Variants in POLE3 observed in about 807,000 individuals in gnomAD.
POLE3 encodes DNA polymerase epsilon 3, accessory subunit, also known as DNA polymerase epsilon subunit 3.
Under a neutral mutation model 16.1 loss-of-function variants are expected in POLE3, and 10 were observed. The observed-to-expected ratio is 0.62, with a 90% CI of 0.38 to 1.05. The LOEUF is 1.05. POLE3 is among the 50% of genes least tolerant of loss of function. The probability of loss-of-function intolerance (pLI) is 0.01; values close to 1 mark genes in which losing one functional copy is unlikely to be tolerated. For synonymous variants in POLE3, 83 were observed against 71.0 expected (o/e 1.17, Z -0.85); for missense variants, 169 against 185.0 (o/e 0.91, Z 0.50).
chr9:113,409,641 C>T lies in POLE3; in HGVS notation c.240G>A (p.Arg80=). Residue 80 remains arginine, a synonymous_variant, in exon 4 of 5, where the codon CGG becomes CGA. Coordinates refer to ENST00000374171, the MANE Select transcript of POLE3 (RefSeq NM_017443.5). ...GAGCTTCTTTCAATGGGGTAACGAA[C>T]CGCTGGAACTCCATCTCTTCCATGG... ...LSAMEEMEFQ[R]FVTPLKEALE... 6.2e-7 allele frequency: 1 copy of T among 1,611,676 alleles called. No individual in the cohort carries two copies. The highest frequency in any genetic ancestry group is 8.5e-7 in the Non-Finnish European group (1 of 1,177,854).
rs1554743712 is a variant in POLE3 at position 113,409,373 on chromosome 9, A to AAAAAAC, written c.271+231_271+236dup. Reference sequence around the variant, plus strand: ...AGACTCCGTCTCAAAAAAAAAAAAAAAAAAACAAAAACAAGAAAAGCAAGA... The same window carrying AAAAAAC: ...AGACTCCGTCTCAAAAAAAAAAAAAAAAAAACAAAAACAAAAACAAGAAAAGCAAGA... On this transcript the variant is annotated intron_variant, in intron 4 of 4. Coordinates refer to ENST00000374171, the MANE Select transcript of POLE3 (RefSeq NM_017443.5). Among the ~76,000 whole-genome samples the AAAAAAC allele has an allele frequency of 9.2e-4, 139 of 150,280 alleles. 1 individual carries two copies. Among genetic ancestry groups the AAAAAAC allele is most frequent in the South Asian group, 3.0e-3 (14 of 4,668 alleles).
intron 1 of POLE3, 53 bp downstream of exon 1, chr9:113,410,563 TC>T (rs1828086836): frequency 3.6e-6 from 2 of 550,240 alleles, no homozygotes; most frequent in East Asian, 5.9e-5. Flanking sequence ...CGCACGCCCC[TC>T]CCCAGGTCCA....
rs191549953 is a variant in POLE3, at chr9:113,408,068, A to C, written c.*743T>G. On this transcript the variant is annotated 3_prime_UTR_variant, in exon 5 of 5. Transcript: ENST00000374171. ...TGTACAGTAGCAGAGAGTAAGGTAC[A>C]TCTGACACTATGCCATCTGTTTTTG... 1 of 152,646 alleles carries C rather than the reference A, an allele frequency of 6.6e-6. No individual in the cohort carries two copies. Among genetic ancestry groups the C allele is most frequent in the Non-Finnish European group, 1.5e-5 (1 of 68,054 alleles). The allele number at this position is 152,646 out of a possible 1,614,324, so 9.5% of individuals were successfully genotyped here.
chr9:113,409,281 A>G (rs2119034160), intron 4 of POLE3, among the ~76,000 whole-genome samples: 1 of 148,400 alleles, frequency 6.7e-6, no homozygotes, highest in South Asian at 2.1e-4. Flanking sequence ...AATTGCTTGA[A>G]CCCAGGAGGA....
chr9:113,409,268 G>A (rs1490823983), intron 4 of POLE3, among the ~76,000 whole-genome samples: 1 of 150,494 alleles, frequency 6.6e-6, no homozygotes, highest in Non-Finnish European at 1.5e-5. Context: ...GCTGAGGCAG[G>A]AGAATTGCTT....
Position 113,408,977 on chromosome 9 carries a change from C to T in POLE3, c.278G>A (p.Arg93Lys), listed in dbSNP as rs1828000163. Residue 93 changes from arginine (R) to lysine (K), a missense_variant, in exon 5 of 5, where the codon AGG becomes AAG. Physicochemically the swap from Arg to Lys is conservative, Grantham distance 26. Transcript: ENST00000374171. ...CTCCTTCTTGCCTTTCTGCTCCCGC[C>T]TATATGCTGTAAGGACGGAACAAGG... ...TPLKEALEAY[R>K]REQKGKKEAS... is the part of the protein sequence containing the mutation. 1 of 1,613,804 alleles carries T rather than the reference C, an allele frequency of 6.2e-7. No homozygotes were observed. The highest frequency in any genetic ancestry group is 8.5e-7 in the Non-Finnish European group (1 of 1,179,914).
chr9:113,409,395 A>C (rs1315147928), intron 4 of POLE3, among the ~76,000 whole-genome samples: 1 of 151,708 alleles, frequency 6.6e-6, no homozygotes. Context: ...CAAGAAAAGC[A>C]AGACAAAAAC....
In POLE3 at chr9:113,410,219, G is replaced by C. The variant is rs376377693; in HGVS notation, c.66+9C>G. ...CTGCCCGTTCGTCCGCCCCCCCCGA[G>C]CTGCTCACCGCCTCCTTGATGATCC... On this transcript the variant is annotated intron_variant, in intron 2 of 4. Transcript: ENST00000374171. 5 of 1,613,296 alleles carry C rather than the reference G, an allele frequency of 3.1e-6. No homozygotes were observed. In the East Asian group the frequency reaches 8.9e-5, roughly 29 times the overall value.
chr9:113,409,263 G>A (rs554559763), intron 4 of POLE3, among the ~76,000 whole-genome samples: 1 of 151,498 alleles, frequency 6.6e-6, no homozygotes, highest in East Asian at 1.9e-4. Flanking sequence ...GGGAGGCTGA[G>A]GCAGGAGAAT....
rs553165700 is a variant in POLE3, at chr9:113,407,580, C to G, written c.*1231G>C. Reference sequence around the variant, plus strand: ...ACAAAATTAGCCAGGCTTGGTGGCACGCATCTGTAGTCCCAGATACTCAGG... The same window carrying G: ...ACAAAATTAGCCAGGCTTGGTGGCAGGCATCTGTAGTCCCAGATACTCAGG... On this transcript the variant is annotated 3_prime_UTR_variant, in exon 5 of 5. Transcript: ENST00000374171. The G allele has an allele frequency of 3.3e-5, 5 of 152,536 alleles. No individual in the cohort carries two copies. The highest frequency in any genetic ancestry group is 1.3e-4 in the Admixed American group (2 of 15,290). 9.4% of individuals were successfully genotyped at this position (152,536 alleles called of 1,614,324 possible).
chr9:113,410,194 C>T, intron 2 of POLE3, 34 bp downstream of exon 2: 1 of 1,611,528 alleles, frequency 6.2e-7, no homozygotes, highest in Non-Finnish European at 8.5e-7. Flanking sequence ...TGCTTCCCTC[C>T]TGCCCGTTCG....
chr9:113,409,828 G>A, intron 3 of POLE3, 100 bp from the exon 4 acceptor site: 1 of 867,440 alleles, frequency 1.2e-6, no homozygotes, highest in Non-Finnish European at 1.9e-6. Context: ...CCTCTTACAT[G>A]TATGGATTTT....
chr9:113,410,481 A>C, intron 1 of POLE3, 73 bp from the exon 2 acceptor site: 3 of 602,794 alleles, frequency 5.0e-6, no homozygotes, highest in Non-Finnish European at 5.9e-6. Context: ...CGCCTCAAAT[A>C]CCGGCGCATC....
At chr9:113,410,199 C>T in intron 2 of POLE3, 29 bp downstream of exon 2, 3 of 1,612,026 alleles carry the variant, frequency 1.9e-6, no homozygotes, top group Non-Finnish European at 2.5e-6. Flanking sequence ...CCCTCCTGCC[C>T]GTTCGTCCGC....
At position 113,410,216 on chromosome 9, in the gene POLE3, C is replaced by G. The variant is rs750705164; in HGVS notation, c.66+12G>C. ...CTCCTGCCCGTTCGTCCGCCCCCCC[C>G]GAGCTGCTCACCGCCTCCTTGATGA... On this transcript the variant is annotated intron_variant, in intron 2 of 4. Coordinates refer to ENST00000374171, the MANE Select transcript of POLE3 (RefSeq NM_017443.5). The G allele has an allele frequency of 4.3e-6, 7 of 1,613,332 alleles. No individual in the cohort carries two copies. The highest frequency in any genetic ancestry group is 4.0e-5 in the African/African-American group (3 of 74,930).
At position 113,410,090 on chromosome 9, in the gene POLE3, G is replaced by A; in HGVS notation, c.117C>T (p.Arg39=). The A allele has an allele frequency of 6.3e-7, 1 of 1,582,620 alleles. No individual in the cohort carries two copies. Among genetic ancestry groups the A allele is most frequent in the East Asian group, 2.3e-5 (1 of 43,788 alleles). Residue 39 remains arginine, a synonymous_variant, in exon 3 of 5, where the codon CGC becomes CGT. Transcript: ENST00000374171. Reference sequence around the variant, plus strand: ...CGTACAGCACGAAGACGCTGGCGGCGCGGGAGATGGCGCTCCGGGCCTCCT... The same window carrying A: ...CGTACAGCACGAAGACGCTGGCGGCACGGGAGATGGCGCTCCGGGCCTCCT... ...ISKEARSAIS[R]AASVFVLYAT... is the part of the protein sequence containing the mutation.
At position 113,410,322 on chromosome 9, in the gene POLE3, C is replaced by T. The variant is rs143346936; in HGVS notation, c.-29G>A. Reference sequence around the variant, plus strand: ...CGCCGCTGGGGCTTAAACTCCCCTTCGCCTCCGCTTCAGGGAGCTACTGCG... The same window carrying T: ...CGCCGCTGGGGCTTAAACTCCCCTTTGCCTCCGCTTCAGGGAGCTACTGCG... On this transcript the variant is annotated 5_prime_UTR_variant, in exon 2 of 5. Transcript: ENST00000374171. 583 of 1,605,226 alleles carry T rather than the reference C, an allele frequency of 3.6e-4. 1 individual carries two copies. The highest frequency in any genetic ancestry group is 8.7e-4 in the Middle Eastern group (5 of 5,724).
At chr9:113,409,251 T>G (rs1828011405) in intron 4 of POLE3, among the ~76,000 whole-genome samples, 1 of 149,792 alleles carries the variant, frequency 6.7e-6, no homozygotes, top group Non-Finnish European at 1.5e-5. Context: ...TCCCAGCTAC[T>G]CGGGAGGCTG....
In POLE3 at chr9:113,409,618, G is replaced by T. The variant is rs773158573; in HGVS notation, c.263C>A (p.Ala88Asp). 2.5e-6 allele frequency: 4 copies of T among 1,588,662 alleles called. No homozygotes were observed. Among genetic ancestry groups the T allele is most frequent in the Non-Finnish European group, 3.5e-6 (4 of 1,157,096 alleles). The change falls in exon 4 of 5, where the codon GCT (alanine) becomes GAT (aspartate). Residue 88 changes from alanine to aspartate, a missense_variant. Ala to Asp is a moderately radical substitution (Grantham distance 126). Coordinates refer to ENST00000374171, the MANE Select transcript of POLE3 (RefSeq NM_017443.5). ...FQRFVTPLKE[A>D]LEAYRREQKG... ...GACAAGAGGCTCGTTACCTTCCAGA[G>T]CTTCTTTCAATGGGGTAACGAACCG... is the stretch of plus-strand genomic sequence containing the variant.
Sources: allele counts gnomAD v4.1 joint callset (sites outside exome capture counted in the v4.1 genomes callset), GRCh38; gene constraint gnomAD v4.1.1; transcripts MANE v1.5; gene names NCBI Gene and HGNC (gene_info 2026-07-23, HGNC 2026-07-21).